VAV3: variants seen among roughly 807,000 people sequenced by gnomAD.
VAV3 encodes vav guanine nucleotide exchange factor 3.
In VAV3, 94 loss-of-function variants were observed where a neutral mutation model predicts 131.2. The observed-to-expected ratio is 0.72, with a 90% CI of 0.61 to 0.85. The LOEUF (loss-of-function observed/expected upper bound fraction) is 0.85, where lower values mean the gene tolerates loss of function less well. Among genes scored for constraint, VAV3 ranks in the 40% least tolerant of loss-of-function variants. VAV3 has a pLI of 0.00. For missense variants in VAV3, 939 were observed against 1,002.7 expected, an observed-to-expected ratio of 0.94 and a Z score of 0.86; for synonymous variants, 349 against 342.0, an observed-to-expected ratio of 1.02 and a Z score of -0.22.
chr1:107,657,051 T>G (rs1021478910), intron 19 of VAV3, among the ~76,000 whole-genome samples: 2 of 143,764 alleles, frequency 1.4e-5, no homozygotes, highest in South Asian at 4.4e-4. Flanking sequence ...TCTCCCGGGT[T>G]CAAAGCAATT....
In VAV3 at chr1:107,766,560, G is replaced by A. The variant is rs56268920; in HGVS notation, c.718-10C>T. On this transcript the variant is annotated splice_polypyrimidine_tract_variant and intron_variant, in intron 7 of 26. Coordinates refer to ENST00000370056, the MANE Select transcript of VAV3 (RefSeq NM_006113.5). ...GAAGTTTTACAAGTTCCTAAGAAAA[G>A]AAAACAATGTGAAAGGAAAGTAGGA... is the stretch of plus-strand genomic sequence containing the variant. 4,964 of 1,604,740 alleles carry A rather than the reference G, an allele frequency of 3.1e-3. 233 individuals are homozygous for A. In the East Asian group the frequency reaches 0.095, roughly 31 times the overall value.
At chr1:107,573,723 T>C (rs368329988) in intron 26 of VAV3, among the ~76,000 whole-genome samples, 8 of 152,342 alleles carry the variant, frequency 5.3e-5, no homozygotes, top group African/African-American at 1.9e-4. Context: ...GCAGTTCTTA[T>C]AGATATTTTG....
chr1:107,610,587 C>G (rs984141475), intron 21 of VAV3, among the ~76,000 whole-genome samples: 3 of 152,084 alleles, frequency 2.0e-5, no homozygotes, highest in East Asian at 1.9e-4. Flanking sequence ...AACTAAGAAC[C>G]TTTTATTCAG....
At chr1:107,649,905 T>A (rs149996441) in intron 19 of VAV3, among the ~76,000 whole-genome samples, 2 of 152,110 alleles carry the variant, frequency 1.3e-5, no homozygotes, top group East Asian at 3.9e-4. Flanking sequence ...CAAAAGCAAG[T>A]GAATCAATGT....
intron 24 of VAV3, among the ~76,000 whole-genome samples, chr1:107,598,190 C>T (rs1416015287): frequency 1.3e-5 from 2 of 151,942 alleles, no homozygotes; most frequent in Non-Finnish European, 2.9e-5. Context: ...CCTGTCTCTA[C>T]CAAAAATACA....
intron 2 of VAV3, among the ~76,000 whole-genome samples, chr1:107,864,346 T>C (rs1669880584): frequency 6.6e-6 from 1 of 152,156 alleles, no homozygotes; most frequent in African/African-American, 2.4e-5. Flanking sequence ...CAAGGGCCAG[T>C]CGTGGTGGCT....
chr1:107,911,266 T>G (rs17020336), intron 1 of VAV3, among the ~76,000 whole-genome samples: 24,292 of 152,248 alleles, frequency 0.16, 2,039 homozygotes, highest in South Asian at 0.22. Context: ...AACATTAACA[T>G]GTATATATCT....
intron 2 of VAV3, among the ~76,000 whole-genome samples, chr1:107,806,788 C>A (rs1667079328): frequency 6.6e-6 from 1 of 152,100 alleles, no homozygotes; most frequent in South Asian, 2.1e-4. Context: ...AATCATTCCT[C>A]AGAATGCATG....
Position 107,617,051 on chromosome 1 carries a change from T to C in VAV3, c.1980+516A>G, listed in dbSNP as rs544327097. On this transcript the variant is annotated intron_variant, in intron 21 of 26. Transcript: ENST00000370056. ...TGAGGAAATGTTCATTTATTCTCCT[T>C]TTATCTGTGTTTTATATTTTCAGAA... 7.2e-5 allele frequency among the ~76,000 whole-genome samples: 11 copies of C among 152,312 alleles called. 1 individual carries two copies. The South Asian group carries it at 2.3e-3, about 32-fold the overall frequency.
At chr1:107,875,572 CAG>C (rs1333040555) in intron 1 of VAV3, among the ~76,000 whole-genome samples, 6 of 151,952 alleles carry the variant, frequency 3.9e-5, no homozygotes, top group Non-Finnish European at 8.8e-5. Flanking sequence ...TGCAGCAAGG[CAG>C]AGTGAGTAAT....
At chr1:107,828,337 G>A (rs1485413207) in intron 2 of VAV3, among the ~76,000 whole-genome samples, 4 of 152,100 alleles carry the variant, frequency 2.6e-5, no homozygotes, top group East Asian at 3.9e-4. Flanking sequence ...GAAGGCCTGA[G>A]GTCTAGGCCT....
At chr1:107,575,201 A>G (rs998630135) in intron 25 of VAV3, among the ~76,000 whole-genome samples, 2 of 152,136 alleles carry the variant, frequency 1.3e-5, no homozygotes, top group Non-Finnish European at 2.9e-5. Context: ...AGTGTTTTCA[A>G]TTATATGTTC....
At chr1:107,839,618 A>G (rs1055262694) in intron 2 of VAV3, among the ~76,000 whole-genome samples, 7 of 152,118 alleles carry the variant, frequency 4.6e-5, no homozygotes, top group Non-Finnish European at 7.4e-5. Context: ...ACCCTAGGAA[A>G]CTAGAGAAAG....
At chr1:107,709,021 T>C (rs1660621352) in intron 15 of VAV3, among the ~76,000 whole-genome samples, 2 of 151,954 alleles carry the variant, frequency 1.3e-5, no homozygotes, top group Admixed American at 6.6e-5. Flanking sequence ...CACTAGAAAA[T>C]AATGTTAGAT....
Position 107,592,526 on chromosome 1 carries a change from C to G in VAV3, c.2350+3686G>C, listed in dbSNP as rs749642351. ...ACTCTACTCTGTGGCCCAACTAATT[C>G]TCTACAAATAAAAACTTGGCAAAAT... is the stretch of plus-strand genomic sequence containing the variant. On this transcript the variant is annotated intron_variant, in intron 25 of 26. Transcript: ENST00000370056. Among the ~76,000 whole-genome samples, 28 of 152,062 alleles carry G rather than the reference C, an allele frequency of 1.8e-4. 1 individual carries two copies. Among genetic ancestry groups the G allele is most frequent in the Admixed American group, 3.3e-4 (5 of 15,244 alleles).
At chr1:107,874,009 A>C (rs1648165329) in intron 2 of VAV3, among the ~76,000 whole-genome samples, 1 of 152,202 alleles carries the variant, frequency 6.6e-6, no homozygotes, top group South Asian at 2.1e-4. Context: ...CTCAGAGTTA[A>C]AACAATGTAT....
At chr1:107,826,794 A>G (rs1668034952) in intron 2 of VAV3, among the ~76,000 whole-genome samples, 1 of 152,220 alleles carries the variant, frequency 6.6e-6, no homozygotes, top group South Asian at 2.1e-4. Flanking sequence ...TTTTGCTTAT[A>G]GAATCTGAAA....
At chr1:107,654,873 C>T (rs538109026) in intron 19 of VAV3, among the ~76,000 whole-genome samples, 1 of 151,772 alleles carries the variant, frequency 6.6e-6, no homozygotes, top group Non-Finnish European at 1.5e-5. Flanking sequence ...TGAAATAGTA[C>T]CTACATTCTA....
chr1:107,688,945 A>G (rs1198333318), intron 17 of VAV3, among the ~76,000 whole-genome samples: 1 of 152,178 alleles, frequency 6.6e-6, no homozygotes, highest in Non-Finnish European at 1.5e-5. Flanking sequence ...CTTAAAAAAA[A>G]ACTGAGTCAG....
Sources: allele counts gnomAD v4.1 joint callset (sites outside exome capture counted in the v4.1 genomes callset), GRCh38; gene constraint gnomAD v4.1.1; transcripts MANE v1.5; gene names NCBI Gene and HGNC (gene_info 2026-07-23, HGNC 2026-07-21).